RSPO4: variants seen among roughly 807,000 people sequenced by gnomAD.
RSPO4 encodes R-spondin-4.
A neutral mutation model predicts 24.8 loss-of-function variants in RSPO4; 23 were observed. The ratio of observed to expected loss-of-function variants is 0.93; its 90% CI spans 0.67 to 1.31. RSPO4 has a LOEUF of 1.31. RSPO4 is among the 40% of genes most tolerant of loss of function. RSPO4 has a pLI of 0.00. For missense variants in RSPO4, 333 were observed against 316.5 expected (o/e 1.05, Z -0.39); for synonymous variants, 141 against 127.4 (o/e 1.11, Z -0.72).
intron 4 of RSPO4, 102 bp downstream of exon 4, chr20:963,833 C>G: frequency 8.2e-7 from 1 of 1,217,830 alleles, no homozygotes; most frequent in Non-Finnish European, 1.2e-6. Context: ...GGTGGCCTTT[C>G]AGGCAGTCTC....
chr20:989,852 C>T (rs1030610703), intron 1 of RSPO4, among the ~76,000 whole-genome samples: 1 of 152,206 alleles, frequency 6.6e-6, no homozygotes, highest in Non-Finnish European at 1.5e-5. Context: ...GAGACGCGGG[C>T]CTCTGGGAGC....
At chr20:975,443 T>A (rs941473503) in intron 1 of RSPO4, among the ~76,000 whole-genome samples, 1 of 152,106 alleles carries the variant, frequency 6.6e-6, no homozygotes, top group Non-Finnish European at 1.5e-5. Flanking sequence ...CCATCCTCCC[T>A]CAGTCAAAAC....
At position 967,984 on chromosome 20, in the gene RSPO4, G is replaced by C; in HGVS notation, c.234C>G (p.Phe78Leu). ...TGTTGACCTCCTGGCCGCGGATGCC[G>C]AAGTACCCAGGGGGACAGTCGTGCA... Reference protein sequence around the residue: ...KCLHDCPPGYFGIRGQEVNRC... With the variant: ...KCLHDCPPGYLGIRGQEVNRC... The change falls in exon 2 of 5, where the codon TTC becomes TTG. Residue 78 changes from phenylalanine (F) to leucine (L), a missense_variant. Phe to Leu is a conservative substitution (Grantham distance 22, BLOSUM62 0). Transcript: ENST00000217260. 6.2e-7 allele frequency: 1 copy of C among 1,614,244 alleles called. No individual in the cohort carries two copies. The highest frequency in any genetic ancestry group is 8.5e-7 in the Non-Finnish European group (1 of 1,180,034).
At chr20:993,482 G>C (rs1985176940) in intron 1 of RSPO4, among the ~76,000 whole-genome samples, 1 of 152,214 alleles carries the variant, frequency 6.6e-6, no homozygotes, top group Non-Finnish European at 1.5e-5. Flanking sequence ...AGACCTGGGA[G>C]CACATCACGA....
At position 967,982 on chromosome 20, in the gene RSPO4, C is replaced by T. The variant is rs1984271821; in HGVS notation, c.236G>A (p.Gly79Asp). The T allele has an allele frequency of 6.2e-7, 1 of 1,614,136 alleles. No individual in the cohort carries two copies. The highest frequency in any genetic ancestry group is 1.3e-5 in the African/African-American group (1 of 74,946). ...CLHDCPPGYF[G>D]IRGQEVNRCK... ...CCTGTTGACCTCCTGGCCGCGGATG[C>T]CGAAGTACCCAGGGGGACAGTCGTG... Residue 79 changes from glycine (G) to aspartate (D), a missense_variant, in exon 2 of 5, where the codon GGC becomes GAC. Transcript: ENST00000217260.
intron 1 of RSPO4, among the ~76,000 whole-genome samples, chr20:995,345 C>T (rs1422474860): frequency 6.6e-6 from 1 of 152,094 alleles, no homozygotes; most frequent in East Asian, 1.9e-4. Context: ...CATGTATTTG[C>T]GACGTTACTT....
intron 2 of RSPO4, 144 bp downstream of exon 2, chr20:967,806 C>A: frequency 1.1e-6 from 1 of 881,752 alleles, no homozygotes; most frequent in Non-Finnish European, 1.9e-6. Context: ...GCGGAGTCAG[C>A]CTGGACACAG....
intron 3 of RSPO4, among the ~76,000 whole-genome samples, chr20:964,823 CACACACACATAT>C (rs1252397132): frequency 2.1e-4 from 20 of 97,104 alleles, no homozygotes; most frequent in African/African-American, 5.4e-4. Flanking sequence ...CACACACACA[CACACACACATAT>C]ATATATATAT....
Position 968,238 on chromosome 20 carries a change from G to C in RSPO4, c.80-100C>G. 6.7e-6 allele frequency: 7 copies of C among 1,050,090 alleles called. No individual in the cohort carries two copies. In the South Asian group the frequency reaches 9.3e-5, roughly 14 times the overall value. The allele number at this position is 1,050,090 out of a possible 1,614,324, so 65.0% of individuals were successfully genotyped here. A position where few individuals can be genotyped will look rare whatever the true frequency, so the allele number is the denominator to read the frequency against. ...GATGGTCTCATTGGGATAGTAACTG[G>C]GCACATGGCCACCCAAACAAAAGAC... On this transcript the variant is annotated intron_variant, in intron 1 of 4. Coordinates refer to ENST00000217260, the MANE Select transcript of RSPO4 (RefSeq NM_001029871.4).
At position 968,004 on chromosome 20, in the gene RSPO4, C is replaced by T. The variant is rs368559955; in HGVS notation, c.214G>A (p.Asp72Asn). 3 of 1,614,228 alleles carry T rather than the reference C, an allele frequency of 1.9e-6. No individual in the cohort carries two copies. Among genetic ancestry groups the T allele is most frequent in the Admixed American group, 3.3e-5 (2 of 60,030 alleles). Residue 72 changes from aspartate (D) to asparagine (N), a missense_variant, in exon 2 of 5, where the codon GAC (aspartate) becomes AAC (asparagine). Coordinates refer to ENST00000217260, the MANE Select transcript of RSPO4 (RefSeq NM_001029871.4). ...GIRQYGKCLH[D>N]CPPGYFGIRG... ...ATGCCGAAGTACCCAGGGGGACAGT[C>T]GTGCAGGCACTTGCCGTACTGGCGG...
rs553044037 is a variant in RSPO4, at chr20:993,333, G to A, written c.79+8753C>T. 6.6e-5 allele frequency among the ~76,000 whole-genome samples: 10 copies of A among 152,362 alleles called. No individual in the cohort carries two copies. In the South Asian group the frequency reaches 1.7e-3, roughly 25 times the overall value. The stretch of plus-strand genomic sequence containing the variant: ...CATGGGACAGCAGTGTCCGGGTGGA[G>A]TTGGCGTCACCCATCCGGAGATGGG... On this transcript the variant is annotated intron_variant, in intron 1 of 4. Coordinates refer to ENST00000217260, the MANE Select transcript of RSPO4 (RefSeq NM_001029871.4).
intron 1 of RSPO4, among the ~76,000 whole-genome samples, chr20:971,568 G>A (rs1438419769): frequency 6.6e-6 from 1 of 152,206 alleles, no homozygotes; most frequent in Non-Finnish European, 1.5e-5. Context: ...AGTTATCATT[G>A]TGGGCACAGC....
intron 4 of RSPO4, among the ~76,000 whole-genome samples, chr20:961,346 G>C (rs769260980): frequency 6.6e-6 from 1 of 152,218 alleles, no homozygotes; most frequent in Non-Finnish European, 1.5e-5. Flanking sequence ...CGATGAACCT[G>C]AGGCTCCATG....
intron 1 of RSPO4, among the ~76,000 whole-genome samples, chr20:971,845 C>T (rs900015592): frequency 6.6e-6 from 1 of 152,174 alleles, no homozygotes; most frequent in Non-Finnish European, 1.5e-5. Context: ...AATTTAGCCT[C>T]TACTGTGTCC....
intron 4 of RSPO4, among the ~76,000 whole-genome samples, chr20:963,188 G>C (rs568755645): frequency 5.0e-4 from 76 of 152,330 alleles, no homozygotes; most frequent in African/African-American, 1.7e-3. Flanking sequence ...GCGTGGGACA[G>C]TCCCCCGCAA....
rs1307297643 is a variant in RSPO4, at chr20:964,072, TTG to T, written c.456_457del (p.His152GlnfsTer24). 2 of 1,613,832 alleles carry T rather than the reference TTG, an allele frequency of 1.2e-6. No homozygotes were observed. The highest frequency in any genetic ancestry group is 1.7e-6 in the Non-Finnish European group (2 of 1,180,016). ...CCAAGCCGAGCCGCAGGTCTTTCCA[TTG>T]TGTGTGCAGGGGCTCCAGCCGCCCC... On this transcript the variant is annotated frameshift_variant, in exon 4 of 5. Transcript: ENST00000217260. LOFTEE classifies it high-confidence loss of function.
chr20:960,260 A>C lies in RSPO4; in HGVS notation c.*97T>G. ...GAAAGAAAGAGAGGACAAATGGAGA[A>C]GACAGAGGAGAAAGAGTAAGAGGAG... On this transcript the variant is annotated 3_prime_UTR_variant, in exon 5 of 5. Transcript: ENST00000217260. 2 of 761,314 alleles carry C rather than the reference A, an allele frequency of 2.6e-6. No homozygotes were observed. Among genetic ancestry groups the C allele is most frequent in the Non-Finnish European group, 4.5e-6 (2 of 442,030 alleles). 47.2% of individuals were successfully genotyped at this position (761,314 alleles called of 1,614,324 possible).
intron 1 of RSPO4, among the ~76,000 whole-genome samples, chr20:996,541 T>C (rs1041129117): frequency 1.1e-4 from 16 of 152,186 alleles, no homozygotes; most frequent in African/African-American, 3.9e-4. Flanking sequence ...CATTGACGGA[T>C]CTCAAGAGCC....
chr20:963,921 G>A lies in RSPO4; in HGVS notation c.595+14C>T. On this transcript the variant is annotated intron_variant, in intron 4 of 4. Transcript: ENST00000217260. ...TTTCCCACCGCAGCCTCGTGTGCCT[G>A]TCCTGGGGCTCACCTCCTGGGCAGG... 1 of 1,613,168 alleles carries A rather than the reference G, an allele frequency of 6.2e-7. No individual in the cohort carries two copies. Among genetic ancestry groups the A allele is most frequent in the Non-Finnish European group, 8.5e-7 (1 of 1,179,870 alleles).
Sources: allele counts gnomAD v4.1 joint callset (sites outside exome capture counted in the v4.1 genomes callset), GRCh38; gene constraint gnomAD v4.1.1; transcripts MANE v1.5; gene names NCBI Gene and HGNC (gene_info 2026-07-23, HGNC 2026-07-21).